The following MARCHF4 variants were observed in gnomAD, a reference collection of about 807,000 sequenced individuals.
MARCHF4 encodes membrane associated ring-CH-type finger 4.
In MARCHF4, 14 loss-of-function variants were observed where a neutral mutation model predicts 43.9. That is an observed-to-expected ratio of 0.32 (90% confidence interval 0.21 to 0.50). The LOEUF is 0.50. MARCHF4 is among the 20% of genes least tolerant of loss of function. The pLI is 0.98. For missense variants in MARCHF4, 468 were observed against 536.7 expected (o/e 0.87, Z 1.27); for synonymous variants, 226 against 213.3 (o/e 1.06, Z -0.52).
chr2:216,275,009 A>G (rs1403482392), intron 3 of MARCHF4, among the ~76,000 whole-genome samples: 1 of 152,172 alleles, frequency 6.6e-6, no homozygotes, highest in Admixed American at 6.5e-5. Flanking sequence ...CTCCCATCCC[A>G]TAGCTGTCTC....
chr2:216,364,496 C>T (rs981609344), intron 1 of MARCHF4, among the ~76,000 whole-genome samples: 1 of 152,206 alleles, frequency 6.6e-6, no homozygotes, highest in Non-Finnish European at 1.5e-5. Flanking sequence ...TGTGAGGAGT[C>T]TGCGGGGTCA....
chr2:216,369,954 G>A lies in MARCHF4; in HGVS notation c.307C>T (p.Pro103Ser). 1 of 1,586,148 alleles carries A rather than the reference G, an allele frequency of 6.3e-7. No homozygotes were observed. The highest frequency in any genetic ancestry group is 1.1e-5 in the South Asian group (1 of 88,682). ...PREVVGREPPPVPPPPPLPPS... is the reference protein window; with the variant it reads ...PREVVGREPPSVPPPPPLPPS... ...GGCAAGGGGGGTGGAGGTGGCACAG[G>A]AGGGGGCTCCCTGCCCACCACTTCT... The change falls in exon 1 of 4, where the codon CCT (proline) becomes TCT (serine). Residue 103 changes from proline (P) to serine (S), a missense_variant. By Grantham distance (74) the Pro-to-Ser change is moderately conservative. This residue lies in a region of MARCHF4 where 190 missense variants were observed against 158.5 expected (regional missense o/e 1.20). Transcript: ENST00000273067.
rs1574491060 is a variant in MARCHF4, at chr2:216,370,788, T to C, written c.-528A>G. The C allele has an allele frequency of 1.3e-5, 2 of 152,360 alleles. No individual in the cohort carries two copies. Among genetic ancestry groups the C allele is most frequent in the South Asian group, 2.1e-4 (1 of 4,812 alleles). The allele number at this position is 152,360 out of a possible 1,614,324, so 9.4% of individuals were successfully genotyped here. A position where few individuals can be genotyped will look rare whatever the true frequency, so the allele number is the denominator to read the frequency against. On this transcript the variant is annotated 5_prime_UTR_variant, in exon 1 of 4. Coordinates refer to ENST00000273067, the MANE Select transcript of MARCHF4 (RefSeq NM_020814.3). ...CTGGGCTTAGAGAAAACTAGCTCAA[T>C]GAAGAATTGAGGACTGCATGTGTGA... is the stretch of plus-strand genomic sequence containing the variant.
rs188936020 is a variant in MARCHF4 at position 216,318,332 on chromosome 2, T to C, written c.517-34603A>G. Reference sequence around the variant, plus strand: ...CCCCTCCCAGGCCAGCCAACTGCTGTAGGGGACGGGGATGTAGCAGTGAAC... The same window carrying C: ...CCCCTCCCAGGCCAGCCAACTGCTGCAGGGGACGGGGATGTAGCAGTGAAC... On this transcript the variant is annotated intron_variant, in intron 1 of 3. Transcript: ENST00000273067. Among the ~76,000 whole-genome samples the C allele has an allele frequency of 4.6e-5, 7 of 152,288 alleles. No homozygotes were observed. In the East Asian group the frequency reaches 1.4e-3, roughly 29 times the overall value.
At chr2:216,298,258 T>G (rs1691429258) in intron 1 of MARCHF4, among the ~76,000 whole-genome samples, 1 of 23,650 alleles carries the variant, frequency 4.2e-5, no homozygotes, top group Admixed American at 4.1e-4. Context: ...TCTTTTAGGT[T>G]TTTTTTTTTT....
At chr2:216,369,186 C>T (rs1260897691) in intron 1 of MARCHF4, among the ~76,000 whole-genome samples, 1 of 152,210 alleles carries the variant, frequency 6.6e-6, no homozygotes, top group Non-Finnish European at 1.5e-5. Flanking sequence ...AATCCCTCTC[C>T]ATTTCCTCCT....
At chr2:216,314,542 T>C (rs1343096043) in intron 1 of MARCHF4, among the ~76,000 whole-genome samples, 1 of 151,516 alleles carries the variant, frequency 6.6e-6, no homozygotes, top group African/African-American at 2.4e-5. Context: ...AGGCTGGTCC[T>C]GAACTCCTGG....
chr2:216,345,700 G>A (rs967911499), intron 1 of MARCHF4, among the ~76,000 whole-genome samples: 2 of 152,194 alleles, frequency 1.3e-5, no homozygotes, highest in Non-Finnish European at 2.9e-5. Flanking sequence ...GCTGCTCAAA[G>A]TGTGATCTGT....
chr2:216,295,967 G>A (rs1013407886), intron 1 of MARCHF4, among the ~76,000 whole-genome samples: 25 of 152,162 alleles, frequency 1.6e-4, no homozygotes, highest in African/African-American at 4.3e-4. Flanking sequence ...CCAACATGGC[G>A]AAACCCTGTT....
intron 1 of MARCHF4, among the ~76,000 whole-genome samples, chr2:216,331,087 C>A (rs1437173968): frequency 6.6e-6 from 1 of 151,984 alleles, no homozygotes. Flanking sequence ...AAATTTTGGT[C>A]TTTGAAAAGA....
chr2:216,298,720 GC>G (rs1189603676), intron 1 of MARCHF4, among the ~76,000 whole-genome samples: 1 of 152,108 alleles, frequency 6.6e-6, no homozygotes, highest in Non-Finnish European at 1.5e-5. Context: ...CATAACTACA[GC>G]CCCTTCCCAC....
intron 1 of MARCHF4, among the ~76,000 whole-genome samples, chr2:216,346,256 C>G (rs1284653881): frequency 1.3e-5 from 2 of 151,862 alleles, no homozygotes; most frequent in Non-Finnish European, 2.9e-5. Flanking sequence ...CCCTCCACCC[C>G]CACCCACCCA....
chr2:216,260,291 C>T (rs974546159), intron 3 of MARCHF4, among the ~76,000 whole-genome samples: 9 of 152,198 alleles, frequency 5.9e-5, no homozygotes, highest in East Asian at 1.9e-4. Flanking sequence ...ATACTGCAGT[C>T]GGCAGGACAC....
chr2:216,259,780 G>A lies in MARCHF4; in HGVS notation c.866-101C>T. ...TGAATCTATGCAAGGTATGGGCAAT[G>A]GCTCCAGTGCTGAGCCATGGGAGGA... On this transcript the variant is annotated intron_variant, in intron 3 of 3. Transcript: ENST00000273067. 3 of 1,212,928 alleles carry A rather than the reference G, an allele frequency of 2.5e-6. No homozygotes were observed. In the South Asian group the frequency reaches 4.2e-5, roughly 17 times the overall value. 75.1% of individuals were successfully genotyped at this position (1,212,928 alleles called of 1,614,324 possible).
chr2:216,330,702 A>G (rs1474426402), intron 1 of MARCHF4, among the ~76,000 whole-genome samples: 1 of 152,186 alleles, frequency 6.6e-6, no homozygotes, highest in Non-Finnish European at 1.5e-5. Context: ...CTAGAAATCA[A>G]TAACAAAAAA....
chr2:216,294,482 A>G (rs986767379), intron 1 of MARCHF4, among the ~76,000 whole-genome samples: 4 of 152,250 alleles, frequency 2.6e-5, no homozygotes, highest in Admixed American at 6.5e-5. Flanking sequence ...ACTTAGAAAC[A>G]CTTCTGTGTA....
At chr2:216,266,388 C>G (rs544261794) in intron 3 of MARCHF4, among the ~76,000 whole-genome samples, 3 of 152,192 alleles carry the variant, frequency 2.0e-5, no homozygotes, top group Non-Finnish European at 4.4e-5. Flanking sequence ...GGGGAGATTA[C>G]AGGACACAAG....
chr2:216,372,284 G>T lies in MARCHF4; in HGVS notation c.-2024C>A, dbSNP rs1202959306. ...AAACAAGGTTCTTGCAGCGAGGGAG[G>T]CTCTCGGCTATCTCCGCCGCCGGCG... is the stretch of plus-strand genomic sequence containing the variant. On this transcript the variant is annotated 5_prime_UTR_variant, in exon 1 of 4. Transcript: ENST00000273067. Among the ~76,000 whole-genome samples, 2 of 152,174 alleles carry T rather than the reference G, an allele frequency of 1.3e-5. No homozygotes were observed. The highest frequency in any genetic ancestry group is 2.9e-5 in the Non-Finnish European group (2 of 68,040).
intron 1 of MARCHF4, among the ~76,000 whole-genome samples, chr2:216,363,896 C>A (rs1692626769): frequency 6.6e-6 from 1 of 152,102 alleles, no homozygotes; most frequent in Non-Finnish European, 1.5e-5. Context: ...GATGAGATGA[C>A]CCCTTGAATT....
Sources: gnomAD v4.1 joint callset for allele counts (sites outside exome capture counted in the v4.1 genomes callset) on GRCh38, gnomAD v4.1.1 for gene constraint, gnomAD v4.1.1 regional missense constraint, MANE v1.5 for transcripts, NCBI Gene and HGNC (gene_info 2026-07-23, HGNC 2026-07-21) for gene names.